SPINK5: variants seen among roughly 807,000 people sequenced by gnomAD.
SPINK5 encodes the protein serine peptidase inhibitor Kazal type 5.
Under a neutral mutation model 151.8 loss-of-function variants are expected in SPINK5, and 125 were observed. That is an observed-to-expected ratio of 0.82 (90% CI 0.71 to 0.96). SPINK5 has a LOEUF of 0.96. SPINK5 is among the 40% of genes least tolerant of loss of function. The pLI is 0.00. For synonymous variants in SPINK5, 374 were observed against 395.3 expected (o/e 0.95, Z 0.64); for missense variants, 1,194 against 1,291.9 (o/e 0.92, Z 1.16).
chr5:148,095,965 T>A, intron 10 of SPINK5, 60 bp downstream of exon 10: 1 of 1,300,872 alleles, frequency 7.7e-7, no homozygotes, highest in Non-Finnish European at 1.1e-6. Flanking sequence ...GGTGCGTGTG[T>A]GAGAGAGTGC....
intron 25 of SPINK5, 23 bp downstream of exon 25, chr5:148,120,159 T>G (rs1430633735): frequency 6.2e-7 from 1 of 1,614,120 alleles, no homozygotes; most frequent in East Asian, 2.2e-5. Flanking sequence ...CAAAATGAGC[T>G]TTTGACTGTG....
rs1348335594 is a variant in SPINK5 at position 148,107,121 on chromosome 5, G to A, written c.1564G>A (p.Gly522Ser). 2 of 1,613,116 alleles carry A rather than the reference G, an allele frequency of 1.2e-6. No individual in the cohort carries two copies. Among genetic ancestry groups the A allele is most frequent in the Non-Finnish European group, 1.7e-6 (2 of 1,179,404 alleles). ...GCATAATCCTGTCCGTGGCCCAGATGGCAAAATGCATGGAAACAAGTGTGC... is the reference window on the plus strand; with the variant it reads ...GCATAATCCTGTCCGTGGCCCAGATAGCAAAATGCATGGAAACAAGTGTGC... ...REHNPVRGPDGKMHGNKCAMC... is the reference protein window; with the variant it reads ...REHNPVRGPDSKMHGNKCAMC... Residue 522 changes from glycine to serine, a missense_variant, in exon 17 of 33, where the codon GGC (glycine) becomes AGC (serine). Physicochemically the swap from Gly to Ser is moderately conservative, Grantham distance 56. Coordinates refer to ENST00000256084, the MANE Select transcript of SPINK5 (RefSeq NM_006846.4).
chr5:148,126,954 T>G (rs758214058), intron 29 of SPINK5, 29 bp from the exon 30 acceptor site: 1 of 1,538,660 alleles, frequency 6.5e-7, no homozygotes, highest in South Asian at 1.2e-5. Context: ...TGTTTCTTAT[T>G]TTAAATTATT....
chr5:148,120,169 GAGTC>G (rs1225809367), intron 25 of SPINK5, 33 bp downstream of exon 25: 2 of 1,613,860 alleles, frequency 1.2e-6, no homozygotes, highest in African/African-American at 2.7e-5. Context: ...TTTTGACTGT[GAGTC>G]TTAAAGTACA....
chr5:148,097,761 T>C, intron 10 of SPINK5, 106 bp from the exon 11 acceptor site: 1 of 1,280,468 alleles, frequency 7.8e-7, no homozygotes, highest in East Asian at 2.6e-5. Flanking sequence ...ATCTTAAAAG[T>C]TTTATTTTTC....
chr5:148,076,933 A>G (rs1056406368), intron 4 of SPINK5, among the ~76,000 whole-genome samples: 1 of 151,566 alleles, frequency 6.6e-6, no homozygotes, highest in Non-Finnish European at 1.5e-5. Context: ...ACAGAGACAG[A>G]CAATAGAGAA....
chr5:148,136,154 G>T (rs1196944061), intron 32 of SPINK5, among the ~76,000 whole-genome samples: 1 of 152,100 alleles, frequency 6.6e-6, no homozygotes, highest in Non-Finnish European at 1.5e-5. Context: ...TGAAAACTAA[G>T]TGCTGTTGAG....
intron 26 of SPINK5, among the ~76,000 whole-genome samples, chr5:148,122,052 C>T (rs998320669): frequency 4.6e-5 from 7 of 151,740 alleles, no homozygotes; most frequent in African/African-American, 1.7e-4. Context: ...GTTTTATCTA[C>T]ACATGCAACG....
chr5:148,123,414 T>TTATATATAGATATTATCTATCTATCTA (rs1554106759), intron 26 of SPINK5, among the ~76,000 whole-genome samples: 5 of 134,940 alleles, frequency 3.7e-5, no homozygotes, highest in Non-Finnish European at 6.2e-5. Flanking sequence ...ATATAATATA[T>TTATATATAGATATTATCTATCTATCTA]TATATATATA....
intron 32 of SPINK5, 50 bp from the exon 33 acceptor site, chr5:148,136,933 C>G: frequency 6.2e-7 from 1 of 1,610,774 alleles, no homozygotes; most frequent in Non-Finnish European, 8.5e-7. Context: ...GCCCACATTT[C>G]TGCAATATCT....
chr5:148,066,643 A>G (rs1581045340), intron 2 of SPINK5, among the ~76,000 whole-genome samples: 1 of 152,260 alleles, frequency 6.6e-6, no homozygotes, highest in South Asian at 2.1e-4. Flanking sequence ...AAAATAAGCT[A>G]GACATTTGGG....
At chr5:148,070,496 C>T (rs1474003915) in intron 3 of SPINK5, 46 bp downstream of exon 3, 8 of 1,607,894 alleles carry the variant, frequency 5.0e-6, no homozygotes. Flanking sequence ...GAGTTAACAG[C>T]TAGTCTCTGA....
chr5:148,094,579 G>T, intron 9 of SPINK5, 98 bp downstream of exon 9: 1 of 1,596,100 alleles, frequency 6.3e-7, no homozygotes, highest in Non-Finnish European at 8.6e-7. Flanking sequence ...AAGCTTTGTT[G>T]TTGAGAACCA....
chr5:148,114,481 G>T lies in SPINK5; in HGVS notation c.2007G>T (p.Lys669Asn), dbSNP rs758519048. ...ATGGCAACAAGTGTGCCATGTGTAA[G>T]GCAGTCTTGTGAGTGCACAAAGAAA... ...KTHGNKCAMC[K>N]AVFQKENEER... The change falls in exon 21 of 33, where the codon AAG (lysine) becomes AAT (asparagine). Residue 669 changes from lysine (K) to asparagine (N), a missense_variant. Transcript: ENST00000256084. 2 of 1,613,502 alleles carry T rather than the reference G, an allele frequency of 1.2e-6. No homozygotes were observed. The highest frequency in any genetic ancestry group is 1.7e-6 in the Non-Finnish European group (2 of 1,179,624).
At chr5:148,095,678 C>G in intron 9 of SPINK5, 140 bp from the exon 10 acceptor site, 1 of 697,526 alleles carries the variant, frequency 1.4e-6, no homozygotes, top group South Asian at 1.6e-5. Flanking sequence ...ATTAAAGGGT[C>G]TTTTTGGGGA....
At chr5:148,095,760 A>C in intron 9 of SPINK5, 58 bp from the exon 10 acceptor site, 1 of 1,421,156 alleles carries the variant, frequency 7.0e-7, no homozygotes, top group South Asian at 1.2e-5. Context: ...ATACCTAATG[A>C]CTGTTTTGTA....
At chr5:148,087,043 CTATT>C (rs1441963544) in intron 5 of SPINK5, among the ~76,000 whole-genome samples, 8 of 151,258 alleles carry the variant, frequency 5.3e-5, no homozygotes, top group African/African-American at 1.7e-4. Flanking sequence ...CATCTATTAT[CTATT>C]TGTTTATCTA....
rs549805289 is a variant in SPINK5 at position 148,129,468 on chromosome 5, G to A, written c.2965-1791G>A. Among the ~76,000 whole-genome samples the A allele has an allele frequency of 7.3e-5, 11 of 151,372 alleles. No homozygotes were observed. The South Asian group carries it at 2.1e-3, about 29-fold the overall frequency. On this transcript the variant is annotated intron_variant, in intron 30 of 32. Coordinates refer to ENST00000256084, the MANE Select transcript of SPINK5 (RefSeq NM_006846.4). The stretch of plus-strand genomic sequence containing the variant: ...GTAAGATACTGGGTCTGTTTTGAAG[G>A]TGGAGTCAACAGAATTTTTTGAGTT...
chr5:148,095,851 A>T lies in SPINK5; in HGVS notation c.828A>T (p.Thr276=), dbSNP rs1561685449. ...KQRFSEENSK[T]DQNLGKAEEK... ...GTTTTTCAGAGGAAAACAGTAAAAC[A>T]GATCAAAATTTGGGAAAAGCTGAAG... Residue 276 remains threonine (T), a synonymous_variant, in exon 10 of 33, where the codon ACA becomes ACT. Transcript: ENST00000256084. 6.2e-7 allele frequency: 1 copy of T among 1,612,372 alleles called. No homozygotes were observed. The highest frequency in any genetic ancestry group is 8.5e-7 in the Non-Finnish European group (1 of 1,179,030).
Sources: gnomAD v4.1 joint callset for allele counts (sites outside exome capture counted in the v4.1 genomes callset) on GRCh38, gnomAD v4.1.1 for gene constraint, MANE v1.5 for transcripts, NCBI Gene and HGNC (gene_info 2026-07-23, HGNC 2026-07-21) for gene names.